KLHL4: variants seen among roughly 807,000 people sequenced by gnomAD.
The protein encoded by KLHL4 is kelch-like protein 4.
In KLHL4, 17 loss-of-function variants were observed where a neutral mutation model predicts 45.8. The ratio of observed to expected loss-of-function variants is 0.37; its 90% CI spans 0.25 to 0.56. The LOEUF (loss-of-function observed/expected upper bound fraction) is 0.56, where lower values mean the gene tolerates loss of function less well. Among genes scored for constraint, KLHL4 ranks in the 20% least tolerant of loss-of-function variants. The pLI is 0.79. For missense variants in KLHL4, 544 were observed against 544.9 expected (o/e 1.00, Z 0.02); for synonymous variants, 224 against 189.9 (o/e 1.18, Z -1.47).
rs754964966 is a variant in KLHL4 at position 87,561,902 on chromosome X, C to T, written c.422+43587C>T. 3.6e-5 allele frequency among the ~76,000 whole-genome samples: 4 copies of T among 110,102 alleles called. No individual in the cohort carries two copies. In the South Asian group the frequency reaches 1.2e-3, roughly 32 times the overall value. On this transcript the variant is annotated intron_variant, in intron 1 of 10. Transcript: ENST00000373119. ...ATTTCTAGATCCACTCTGGGCATCA[C>T]GGAAACCTGCTACTCCAAGGGGAAG...
chrX:87,534,809 T>C (rs1374795804), intron 1 of KLHL4, among the ~76,000 whole-genome samples: 1 of 111,600 alleles, frequency 9.0e-6, no homozygotes, highest in Non-Finnish European at 1.9e-5. Flanking sequence ...GATGCAAACA[T>C]AGAAAGTTTA....
At chrX:87,523,956 C>G (rs1385018178) in intron 1 of KLHL4, among the ~76,000 whole-genome samples, 1 of 110,386 alleles carries the variant, frequency 9.1e-6, no homozygotes, top group African/African-American at 3.3e-5. Context: ...GAGTGAAACT[C>G]CGTCTCAAAA....
In KLHL4 at chrX:87,518,331, C is replaced by T. The variant is rs750484826; in HGVS notation, c.422+16C>T. On this transcript the variant is annotated intron_variant, in intron 1 of 10. Transcript: ENST00000373119. ...CTACAGCAAGGTAAGAGTTTTTGGTCGCATAACTGAATGCCGTAACTTCAG... is the reference window on the plus strand; with the variant it reads ...CTACAGCAAGGTAAGAGTTTTTGGTTGCATAACTGAATGCCGTAACTTCAG... The T allele has an allele frequency of 1.7e-6, 2 of 1,160,560 alleles. No individual in the cohort carries two copies. The highest frequency in any genetic ancestry group is 2.3e-5 in the Admixed American group (1 of 44,005).
chrX:87,526,100 T>C (rs1266508653), intron 1 of KLHL4, among the ~76,000 whole-genome samples: 5 of 112,205 alleles, frequency 4.5e-5, no homozygotes, highest in Non-Finnish European at 9.4e-5. Context: ...CCTGTAAAAC[T>C]AGACTGCTAT....
chrX:87,559,057 C>T (rs989068274), intron 1 of KLHL4, among the ~76,000 whole-genome samples: 6 of 111,680 alleles, frequency 5.4e-5, no homozygotes, highest in Non-Finnish European at 1.1e-4. Flanking sequence ...GATTTACAAG[C>T]GATAAGGTCT....
rs555362796 is a variant in KLHL4, at chrX:87,659,192, T to C, written c.1926-5572T>C. Among the ~76,000 whole-genome samples the C allele has an allele frequency of 6.5e-5, 6 of 92,657 alleles. No individual in the cohort carries two copies. The South Asian group carries it at 3.2e-3, about 49-fold the overall frequency. The allele number at this position is 92,657 out of a possible 115,157, so 80.5% of individuals were successfully genotyped here. On this transcript the variant is annotated intron_variant, in intron 9 of 10. Transcript: ENST00000373119. The stretch of plus-strand genomic sequence containing the variant: ...TGGAGTGCAGTGGTGCAATCTCAGC[T>C]CACTGCAACCTCCACCTCCCGGGTT...
At chrX:87,572,149 C>G (rs1932345287) in intron 1 of KLHL4, among the ~76,000 whole-genome samples, 1 of 111,167 alleles carries the variant, frequency 9.0e-6, no homozygotes, top group Admixed American at 9.6e-5. Flanking sequence ...AAATTGTTTA[C>G]CAAGAGAATT....
chrX:87,591,859 C>T (rs1330861424), intron 1 of KLHL4, among the ~76,000 whole-genome samples: 2 of 111,891 alleles, frequency 1.8e-5, no homozygotes, highest in African/African-American at 6.5e-5. Context: ...GTGTTAACAA[C>T]ATTCCAAATA....
At chrX:87,568,327 T>C (rs1468573744) in intron 1 of KLHL4, among the ~76,000 whole-genome samples, 1 of 108,766 alleles carries the variant, frequency 9.2e-6, no homozygotes, top group Non-Finnish European at 1.9e-5. Flanking sequence ...CAAAGCAATC[T>C]CCATATTCAA....
chrX:87,604,506 G>C (rs774264483), intron 1 of KLHL4, among the ~76,000 whole-genome samples: 11 of 109,662 alleles, frequency 1.0e-4, no homozygotes, highest in Non-Finnish European at 1.9e-4. Context: ...GTTTTGATTA[G>C]TGTTTCCTTG....
At chrX:87,580,366 A>C (rs1005189236) in intron 1 of KLHL4, among the ~76,000 whole-genome samples, 1 of 109,482 alleles carries the variant, frequency 9.1e-6, no homozygotes, top group African/African-American at 3.3e-5. Context: ...GTAAGTCTTT[A>C]CCTACCAAAA....
In KLHL4 at chrX:87,668,653, GGATT is replaced by G; in HGVS notation, c.*2120_*2123del. 6.7e-6 allele frequency: 1 copy of G among 148,715 alleles called. No homozygotes were observed. The highest frequency in any genetic ancestry group is 1.2e-5 in the Non-Finnish European group (1 of 86,508). 12.3% of individuals were successfully genotyped at this position (148,715 alleles called of 1,213,427 possible). On this transcript the variant is annotated 3_prime_UTR_variant, in exon 11 of 11. Transcript: ENST00000373119. ...CTCCTGAATGGATTAATCCATTCAT[GGATT>G]AATGGATTATTATGAGTGGGGGACT...
chrX:87,597,972 G>A (rs1399879781), intron 1 of KLHL4, among the ~76,000 whole-genome samples: 1 of 97,833 alleles, frequency 1.0e-5, no homozygotes, highest in Non-Finnish European at 2.1e-5. Context: ...CAGAAAAAAA[G>A]CAGTGTTTTT....
At chrX:87,577,465 G>T (rs1160605566) in intron 1 of KLHL4, among the ~76,000 whole-genome samples, 1 of 111,677 alleles carries the variant, frequency 9.0e-6, no homozygotes, top group Non-Finnish European at 1.9e-5. Flanking sequence ...TCCTACGCAT[G>T]ATGTTAACAT....
At chrX:87,575,495 GGTGA>G (rs919671777) in intron 1 of KLHL4, among the ~76,000 whole-genome samples, 3 of 111,757 alleles carry the variant, frequency 2.7e-5, no homozygotes, top group African/African-American at 9.8e-5. Flanking sequence ...TGCTGGTATA[GGTGA>G]TAATGACATA....
At chrX:87,534,385 A>T (rs1179344684) in intron 1 of KLHL4, among the ~76,000 whole-genome samples, 2 of 111,566 alleles carry the variant, frequency 1.8e-5, no homozygotes, top group Non-Finnish European at 3.8e-5. Flanking sequence ...AACTTTAAAA[A>T]AAACACTTTA....
chrX:87,556,684 A>G (rs1931984348), intron 1 of KLHL4, among the ~76,000 whole-genome samples: 1 of 25,253 alleles, frequency 4.0e-5, no homozygotes, highest in Non-Finnish European at 6.5e-5. Context: ...TAATAAAAAC[A>G]AAACAAAACA....
At chrX:87,589,979 G>A (rs763745293) in intron 1 of KLHL4, among the ~76,000 whole-genome samples, 54 of 108,081 alleles carry the variant, frequency 5.0e-4, no homozygotes, top group African/African-American at 1.8e-3. Context: ...CGGAGGTTGC[G>A]GTGAGCCAAG....
intron 1 of KLHL4, among the ~76,000 whole-genome samples, chrX:87,565,685 C>CAAAAAA (rs748577568): frequency 7.6e-5 from 2 of 26,258 alleles, no homozygotes; most frequent in Non-Finnish European, 6.3e-5. Flanking sequence ...GTGATTGTGC[C>CAAAAAA]AAAAAAAAAA....
Sources: gnomAD v4.1 joint callset for allele counts (sites outside exome capture counted in the v4.1 genomes callset) on GRCh38, gnomAD v4.1.1 for gene constraint, MANE v1.5 for transcripts, NCBI Gene and HGNC (gene_info 2026-07-23, HGNC 2026-07-21) for gene names.